PLCB1: variants seen among roughly 807,000 people sequenced by gnomAD.
PLCB1 encodes 1-phosphatidylinositol 4,5-bisphosphate phosphodiesterase beta-1.
In PLCB1, 46 loss-of-function variants were observed where a neutral mutation model predicts 161.8. The observed-to-expected ratio is 0.28, with a 90% confidence interval of 0.22 to 0.36. The LOEUF is 0.36. PLCB1 is among the 10% of genes least tolerant of loss of function. The pLI is 1.00. For missense variants in PLCB1, 1,016 were observed against 1,472.5 expected (o/e 0.69, Z 5.07); for synonymous variants, 517 against 503.7 (o/e 1.03, Z -0.35).
intron 2 of PLCB1, among the ~76,000 whole-genome samples, chr20:8,186,228 A>G (rs1056117576): frequency 6.6e-6 from 1 of 152,120 alleles, no homozygotes; most frequent in Admixed American, 6.6e-5. Context: ...ACTTTCTGTT[A>G]TGGAATATAC....
intron 3 of PLCB1, among the ~76,000 whole-genome samples, chr20:8,486,758 G>T (rs1982748889): frequency 6.6e-6 from 1 of 151,298 alleles, no homozygotes; most frequent in Non-Finnish European, 1.5e-5. Context: ...GCCTCCCAAA[G>T]TGCTGGGATT....
At chr20:8,197,452 A>C (rs988642051) in intron 2 of PLCB1, among the ~76,000 whole-genome samples, 7 of 152,050 alleles carry the variant, frequency 4.6e-5, no homozygotes, top group Non-Finnish European at 7.4e-5. Context: ...TGGCTGCATA[A>C]ATGTCTTCTT....
chr20:8,661,998 ATT>A (rs1239065908), intron 9 of PLCB1, among the ~76,000 whole-genome samples: 11 of 103,798 alleles, frequency 1.1e-4, no homozygotes, highest in African/African-American at 4.0e-4. Context: ...TTATATAATT[ATT>A]TATTATATAA....
chr20:8,624,286 G>A (rs903042892), intron 3 of PLCB1, among the ~76,000 whole-genome samples: 3 of 152,094 alleles, frequency 2.0e-5, no homozygotes, highest in Non-Finnish European at 4.4e-5. Context: ...ATTAAGTGCA[G>A]GGAATCAAAT....
chr20:8,347,293 A>T (rs2122244076), intron 2 of PLCB1, among the ~76,000 whole-genome samples: 1 of 152,344 alleles, frequency 6.6e-6, no homozygotes, highest in Middle Eastern at 3.4e-3. Flanking sequence ...TGGAAAAAAT[A>T]TGCAGTCCAT....
At chr20:8,163,462 C>T (rs1394529669) in intron 2 of PLCB1, among the ~76,000 whole-genome samples, 1 of 152,194 alleles carries the variant, frequency 6.6e-6, no homozygotes, top group Non-Finnish European at 1.5e-5. Context: ...AACACATGGG[C>T]ACCACCAGCA....
At chr20:8,245,949 G>A (rs1980856250) in intron 2 of PLCB1, among the ~76,000 whole-genome samples, 1 of 151,888 alleles carries the variant, frequency 6.6e-6, no homozygotes, top group African/African-American at 2.4e-5. Context: ...GGAGACCTCA[G>A]ATTCAAATCC....
intron 4 of PLCB1, among the ~76,000 whole-genome samples, chr20:8,629,319 C>T (rs1600205776): frequency 6.6e-6 from 1 of 151,912 alleles, no homozygotes; most frequent in African/African-American, 2.4e-5. Context: ...TAGATATGGC[C>T]CACCCACTGA....
At chr20:8,850,029 G>A (rs376905087) in intron 31 of PLCB1, among the ~76,000 whole-genome samples, 9 of 152,182 alleles carry the variant, frequency 5.9e-5, no homozygotes, top group South Asian at 2.1e-4. Flanking sequence ...AAAAAAGAAC[G>A]AAGCAGCCCG....
chr20:8,652,446 C>T (rs1815559994), intron 7 of PLCB1: 1 of 152,094 alleles, frequency 6.6e-6, no homozygotes, highest in Non-Finnish European at 1.5e-5. Context: ...TGTGAACTGA[C>T]TATGATGTAT....
chr20:8,484,013 C>T (rs1982616067), intron 3 of PLCB1, among the ~76,000 whole-genome samples: 1 of 152,094 alleles, frequency 6.6e-6, no homozygotes, highest in Non-Finnish European at 1.5e-5. Flanking sequence ...CCCGTTGCTT[C>T]CTTAGATCTT....
intron 31 of PLCB1, among the ~76,000 whole-genome samples, chr20:8,790,833 G>A (rs6056114): frequency 0.22 from 33,938 of 151,984 alleles, 3,798 homozygotes; most frequent in Middle Eastern, 0.35. Flanking sequence ...AACTTTGAAT[G>A]AACTGAGTAT....
chr20:8,292,642 T>C (rs1983437887), intron 2 of PLCB1, among the ~76,000 whole-genome samples: 1 of 152,114 alleles, frequency 6.6e-6, no homozygotes, highest in Non-Finnish European at 1.5e-5. Context: ...CAGGAGGAAA[T>C]TTAAAGAATC....
chr20:8,830,246 A>G (rs1005530093), intron 31 of PLCB1, among the ~76,000 whole-genome samples: 2 of 152,238 alleles, frequency 1.3e-5, no homozygotes, highest in Non-Finnish European at 2.9e-5. Context: ...AGGATCAGAA[A>G]GAAGTCCATT....
intron 2 of PLCB1, among the ~76,000 whole-genome samples, chr20:8,307,079 C>T (rs568477920): frequency 1.3e-4 from 20 of 152,286 alleles, no homozygotes; most frequent in African/African-American, 4.6e-4. Context: ...TGATGTAAAA[C>T]GGGACATTTA....
At chr20:8,784,009 A>T (rs1366165846) in intron 27 of PLCB1, among the ~76,000 whole-genome samples, 3 of 152,192 alleles carry the variant, frequency 2.0e-5, no homozygotes, top group Non-Finnish European at 4.4e-5. Flanking sequence ...CTTCCTGGAG[A>T]AGTAGTTAGT....
chr20:8,881,675 C>T lies in PLCB1; in HGVS notation c.3477C>T (p.Leu1159=), dbSNP rs774970817. 15 of 1,613,866 alleles carry T rather than the reference C, an allele frequency of 9.3e-6. 1 individual carries two copies. The highest frequency in any genetic ancestry group is 8.9e-5 in the East Asian group (4 of 44,884). Residue 1159 remains leucine, a synonymous_variant, in exon 32 of 32, where the codon CTC becomes CTT. Coordinates refer to ENST00000338037, the MANE Select transcript of PLCB1 (RefSeq NM_015192.4). ...EYQDKFKRLP[L]EILEFVQEAM... is the part of the protein sequence containing the mutation. ...AAGACAAATTCAAAAGACTGCCCCT[C>T]GAGATTTTGGAATTCGTGCAGGAAG...
At chr20:8,179,858 T>C (rs1240091365) in intron 2 of PLCB1, among the ~76,000 whole-genome samples, 3 of 80,870 alleles carry the variant, frequency 3.7e-5, no homozygotes, top group Admixed American at 1.0e-4. Flanking sequence ...TTTTTTTTTT[T>C]TTTTTTTTTT....
rs188102801 is a variant in PLCB1 at position 8,750,686 on chromosome 20, T to C, written c.2524-6360T>C. On this transcript the variant is annotated intron_variant, in intron 23 of 31. Coordinates refer to ENST00000338037, the MANE Select transcript of PLCB1 (RefSeq NM_015192.4). ...AATATGAGGCAGATACATTATCTAATTTCATTCAACTAATAGAAATTTAAG... is the reference window on the plus strand; with the variant it reads ...AATATGAGGCAGATACATTATCTAACTTCATTCAACTAATAGAAATTTAAG... 1.1e-4 allele frequency: 43 copies of C among 397,114 alleles called. No homozygotes were observed. In the Admixed American group the frequency reaches 1.6e-3, roughly 14 times the overall value. The allele number at this position is 397,114 out of a possible 1,614,324, so 24.6% of individuals were successfully genotyped here.
Sources: allele counts gnomAD v4.1 joint callset (sites outside exome capture counted in the v4.1 genomes callset), GRCh38; gene constraint gnomAD v4.1.1; transcripts MANE v1.5; gene names NCBI Gene and HGNC (gene_info 2026-07-23, HGNC 2026-07-21).